Variants in ZNF385D observed in about 807,000 individuals in gnomAD.
The protein encoded by ZNF385D is zinc finger protein 385D.
In ZNF385D, 15 loss-of-function variants were observed where a neutral mutation model predicts 35.8. That is an observed-to-expected ratio of 0.42 (90% CI 0.28 to 0.64). The LOEUF (loss-of-function observed/expected upper bound fraction) is 0.64. Ranked by LOEUF, ZNF385D falls within the 30% of genes least tolerant of loss-of-function variation. ZNF385D has a pLI of 0.23. For missense variants in ZNF385D, 474 were observed against 494.6 expected (o/e 0.96, Z 0.39); for synonymous variants, 212 against 186.8 (o/e 1.13, Z -1.10).
At chr3:21,906,582 A>G (rs1006788072) in intron 3 of ZNF385D, among the ~76,000 whole-genome samples, 2 of 152,040 alleles carry the variant, frequency 1.3e-5, no homozygotes, top group Non-Finnish European at 2.9e-5. Flanking sequence ...TTCACCCAAC[A>G]TCCTGTTTTT....
chr3:22,303,410 C>T lies in ZNF385D; in HGVS notation c.106+69040G>A, dbSNP rs148302290. Among the ~76,000 whole-genome samples, 10 of 152,226 alleles carry T rather than the reference C, an allele frequency of 6.6e-5. No homozygotes were observed. The East Asian group carries it at 1.9e-3, about 29-fold the overall frequency. ...ACATATGGCCTTTGAAAGGAAAAGT[C>T]CTAGCCATCAGGAACCTGCTTGTGT... On this transcript the variant is annotated intron_variant, in intron 2 of 5. Coordinates refer to the ZNF385D transcript ENST00000494108.
intron 2 of ZNF385D, among the ~76,000 whole-genome samples, chr3:22,366,093 C>T (rs1324942390): frequency 1.3e-5 from 2 of 151,804 alleles, no homozygotes; most frequent in Admixed American, 6.6e-5. Context: ...AGGTTATATA[C>T]AGTACAATCA....
chr3:21,771,003 C>T (rs1313349533), intron 3 of ZNF385D, among the ~76,000 whole-genome samples: 1 of 150,268 alleles, frequency 6.7e-6, no homozygotes, highest in Non-Finnish European at 1.5e-5. Flanking sequence ...AAAAGCCAAA[C>T]ACCACATGTT....
At chr3:22,060,171 C>T (rs1055958913) in intron 3 of ZNF385D, among the ~76,000 whole-genome samples, 1 of 152,154 alleles carries the variant, frequency 6.6e-6, no homozygotes, top group Non-Finnish European at 1.5e-5. Context: ...GACTAAATTA[C>T]AAGACTGGCT....
At chr3:21,556,602 A>T (rs1044555891) in intron 3 of ZNF385D, among the ~76,000 whole-genome samples, 1 of 152,188 alleles carries the variant, frequency 6.6e-6, no homozygotes, top group Non-Finnish European at 1.5e-5. Flanking sequence ...TGGTACCAAT[A>T]CCATGCTGTT....
intron 3 of ZNF385D, among the ~76,000 whole-genome samples, chr3:21,880,460 T>G (rs1418762205): frequency 2.0e-5 from 3 of 151,990 alleles, no homozygotes; most frequent in Non-Finnish European, 2.9e-5. Context: ...TTGTAATGGT[T>G]TTGGGGCACC....
Position 21,437,701 on chromosome 3 carries a change from C to CAAAAAAAAAAAAAAAAAAAAAAAAA in ZNF385D, c.440-499_440-498insTTTTTTTTTTTTTTTTTTTTTTTTT, listed in dbSNP as rs751739275. 5.2e-5 allele frequency among the ~76,000 whole-genome samples: 4 copies of CAAAAAAAAAAAAAAAAAAAAAAAAA among 77,196 alleles called. 1 individual carries two copies. The highest frequency in any genetic ancestry group is 1.0e-4 in the African/African-American group (2 of 19,072). The allele number at this position is 77,196 out of a possible 152,430, so 50.6% of individuals were successfully genotyped here. On this transcript the variant is annotated intron_variant, in intron 4 of 7. Coordinates refer to ENST00000281523, the MANE Select transcript of ZNF385D (RefSeq NM_024697.3). ...ACAGATCCTTTTGCAAATGCTTATA[C>CAAAAAAAAAAAAAAAAAAAAAAAAA]AAAAAAAAAAAAAAAAAACCGGAAC...
intron 4 of ZNF385D, among the ~76,000 whole-genome samples, chr3:21,442,305 G>A (rs1701903225): frequency 6.6e-6 from 1 of 152,148 alleles, no homozygotes. Flanking sequence ...ACAGGGATTA[G>A]TGTTATAACC....
intron 3 of ZNF385D, among the ~76,000 whole-genome samples, chr3:22,149,403 C>T (rs1280122720): frequency 1.3e-5 from 2 of 152,110 alleles, no homozygotes; most frequent in African/African-American, 2.4e-5. Context: ...AAAATTATTG[C>T]TTCTGATATG....
At chr3:21,693,184 G>A (rs780807410) in intron 1 of ZNF385D, among the ~76,000 whole-genome samples, 17 of 152,230 alleles carry the variant, frequency 1.1e-4, no homozygotes, top group Middle Eastern at 3.4e-3. Flanking sequence ...TCACATACAT[G>A]TGCAAATTTG....
chr3:22,276,318 T>C (rs1226455252), intron 2 of ZNF385D, among the ~76,000 whole-genome samples: 1 of 152,138 alleles, frequency 6.6e-6, no homozygotes, highest in Non-Finnish European at 1.5e-5. Flanking sequence ...ATTTCCACTG[T>C]ACATTATAAT....
At chr3:22,191,941 C>T (rs1576472714) in intron 2 of ZNF385D, among the ~76,000 whole-genome samples, 1 of 152,116 alleles carries the variant, frequency 6.6e-6, no homozygotes, top group Non-Finnish European at 1.5e-5. Context: ...CCAGATTCAT[C>T]TAACAAAGCA....
rs548876311 is a variant in ZNF385D at position 22,243,923 on chromosome 3, T to C, written c.107-74888A>G. Among the ~76,000 whole-genome samples the C allele has an allele frequency of 1.5e-4, 22 of 150,936 alleles. 2 individuals are homozygous for C. Among genetic ancestry groups the C allele is most frequent in the Admixed American group, 1.2e-3 (18 of 15,144 alleles). ...GCTCAGGATACAGGAAAGAGCACCT[T>C]TGAAATTTACCCATTATATATTTCT... On this transcript the variant is annotated intron_variant, in intron 2 of 5. Coordinates refer to the ZNF385D transcript ENST00000494108.
At chr3:21,981,431 G>A (rs12494033) in intron 3 of ZNF385D, among the ~76,000 whole-genome samples, 54,313 of 151,896 alleles carry the variant, frequency 0.36, 11,217 homozygotes, top group South Asian at 0.57. Flanking sequence ...TTTCTCTTGC[G>A]AATTTTTAAG....
chr3:21,957,597 T>C (rs906652259), intron 3 of ZNF385D, among the ~76,000 whole-genome samples: 1 of 152,086 alleles, frequency 6.6e-6, no homozygotes, highest in Admixed American at 6.6e-5. Flanking sequence ...CCAGAGGACA[T>C]GCATAAGGTA....
At chr3:21,817,714 T>G (rs1293877780) in intron 3 of ZNF385D, among the ~76,000 whole-genome samples, 1 of 152,204 alleles carries the variant, frequency 6.6e-6, no homozygotes, top group African/African-American at 2.4e-5. Flanking sequence ...GGAACACTTT[T>G]ACACTGTTGG....
rs901515993 is a variant in ZNF385D at position 21,415,037 on chromosome 3, C to T, written c.*6177G>A. ...ATGTGTGTTAAGTTGGGTTGACAAA[C>T]GTCCAATAAAACCCATATCATTATT... On this transcript the variant is annotated 3_prime_UTR_variant, in exon 8 of 8. Transcript: ENST00000281523. 9.9e-5 allele frequency: 15 copies of T among 152,108 alleles called. No homozygotes were observed. Among genetic ancestry groups the T allele is most frequent in the Admixed American group, 1.3e-4 (2 of 15,254 alleles). The allele number at this position is 152,108 out of a possible 1,614,324, so 9.4% of individuals were successfully genotyped here. A position where few individuals can be genotyped will look rare whatever the true frequency, so the allele number is the denominator to read the frequency against.
rs1369439992 is a variant in ZNF385D at position 22,295,750 on chromosome 3, A to G, written c.106+76700T>C. 2.5e-4 allele frequency among the ~76,000 whole-genome samples: 38 copies of G among 152,192 alleles called. 1 individual carries two copies. The highest frequency in any genetic ancestry group is 1.9e-4 in the East Asian group (1 of 5,158). On this transcript the variant is annotated intron_variant, in intron 2 of 5. Transcript: ENST00000494108. ...TTCGGATGTTTTAGGCACAAATTTAATATTTTTTAATCTAATATTTTCCTT... is the reference window on the plus strand; with the variant it reads ...TTCGGATGTTTTAGGCACAAATTTAGTATTTTTTAATCTAATATTTTCCTT...
At chr3:22,124,242 T>C (rs1169226732) in intron 3 of ZNF385D, among the ~76,000 whole-genome samples, 2 of 152,162 alleles carry the variant, frequency 1.3e-5, no homozygotes, top group South Asian at 2.1e-4. Flanking sequence ...ATCCATGCTG[T>C]TGCAAATGAC....
Sources: gnomAD v4.1 joint callset for allele counts (sites outside exome capture counted in the v4.1 genomes callset) on GRCh38, gnomAD v4.1.1 for gene constraint, MANE v1.5 for transcripts, NCBI Gene and HGNC (gene_info 2026-07-23, HGNC 2026-07-21) for gene names.